The following SLC25A13 variants were observed in gnomAD, a reference collection of about 807,000 sequenced individuals.
SLC25A13 encodes electrogenic aspartate/glutamate antiporter SLC25A13, mitochondrial.
SLC25A13 carries 70 observed loss-of-function variants against 85.5 expected under a neutral mutation model. The observed-to-expected ratio is 0.82, with a 90% confidence interval of 0.68 to 1.00. The LOEUF is 1.00. Ranked by LOEUF, SLC25A13 falls within the 50% of genes least tolerant of loss-of-function variation. The probability of loss-of-function intolerance (pLI) is 0.00; values close to 1 mark genes in which losing one functional copy is unlikely to be tolerated. For synonymous variants in SLC25A13, 259 were observed against 288.7 expected (o/e 0.90, Z 1.04); for missense variants, 765 against 819.8 (o/e 0.93, Z 0.82).
chr7:96,306,927 A>G, intron 1 of SLC25A13: 1 of 967,614 alleles, frequency 1.0e-6, no homozygotes. Flanking sequence ...GCCTGGAGCC[A>G]GTCCCACCAC....
chr7:96,288,294 C>T (rs1245815233), intron 2 of SLC25A13, among the ~76,000 whole-genome samples: 1 of 152,124 alleles, frequency 6.6e-6, no homozygotes, highest in Admixed American at 6.5e-5. Context: ...GTGGATGGTT[C>T]CAAGATGGCC....
At chr7:96,192,498 T>TC in intron 6 of SLC25A13, among the ~76,000 whole-genome samples, 1 of 152,054 alleles carries the variant, frequency 6.6e-6, no homozygotes, top group East Asian at 1.9e-4. Context: ...TTGCAGGACA[T>TC]CCCCAGGGCC....
rs575892618 is a variant in SLC25A13, at chr7:96,289,445, C to T, written c.69+7453G>A. 5.4e-4 allele frequency among the ~76,000 whole-genome samples: 82 copies of T among 152,034 alleles called. 2 individuals carry two copies. In the South Asian group the frequency reaches 0.012, roughly 23 times the overall value. On this transcript the variant is annotated intron_variant, in intron 2 of 17. Transcript: ENST00000265631. ...CGAGTTGAGAGAAGAAGGCTTCAGACGATCAAACTTCTCCGAGCTAAAGGA... is the reference window on the plus strand; with the variant it reads ...CGAGTTGAGAGAAGAAGGCTTCAGATGATCAAACTTCTCCGAGCTAAAGGA...
intron 3 of SLC25A13, among the ~76,000 whole-genome samples, chr7:96,245,153 G>C (rs1332795140): frequency 6.6e-6 from 1 of 152,134 alleles, no homozygotes; most frequent in Admixed American, 6.5e-5. Flanking sequence ...TTTCTTATAA[G>C]ATGGATCAAG....
At chr7:96,169,515 T>C (rs993764042) in intron 13 of SLC25A13, among the ~76,000 whole-genome samples, 12 of 152,114 alleles carry the variant, frequency 7.9e-5, no homozygotes, top group Non-Finnish European at 1.8e-4. Flanking sequence ...TGTTCATCCA[T>C]ATAAGGAAAC....
At chr7:96,318,918 A>G (rs1423392363) in intron 1 of SLC25A13, among the ~76,000 whole-genome samples, 2 of 152,148 alleles carry the variant, frequency 1.3e-5, no homozygotes, top group African/African-American at 4.8e-5. Flanking sequence ...AGGCTCCTCA[A>G]CTTTTAAGAG....
chr7:96,146,485 T>A, intron 14 of SLC25A13, 71 bp downstream of exon 14: 1 of 1,569,642 alleles, frequency 6.4e-7, no homozygotes, highest in Non-Finnish European at 8.7e-7. Context: ...GGATTTCATG[T>A]TGAAGAATAG....
intron 5 of SLC25A13, among the ~76,000 whole-genome samples, chr7:96,208,465 C>A (rs967844003): frequency 1.3e-5 from 2 of 151,766 alleles, no homozygotes; most frequent in Non-Finnish European, 2.9e-5. Flanking sequence ...AGGACTTTTA[C>A]ACACAATTTG....
intron 9 of SLC25A13, among the ~76,000 whole-genome samples, chr7:96,188,607 C>T (rs1794724934): frequency 6.6e-6 from 1 of 152,182 alleles, no homozygotes; most frequent in Admixed American, 6.5e-5. Flanking sequence ...CTAACACATG[C>T]TATGAAGGCT....
chr7:96,144,805 G>T (rs1338758398), intron 14 of SLC25A13, among the ~76,000 whole-genome samples: 1 of 152,132 alleles, frequency 6.6e-6, no homozygotes, highest in South Asian at 2.1e-4. Flanking sequence ...ATCATTTGCA[G>T]GTAGTTTAAC....
Position 96,230,997 on chromosome 7 carries a change from G to A in SLC25A13, c.328+3805C>T, listed in dbSNP as rs1443155746. Among the ~76,000 whole-genome samples, 6 of 152,232 alleles carry A rather than the reference G, an allele frequency of 3.9e-5. No homozygotes were observed. In the East Asian group the frequency reaches 9.7e-4, roughly 25 times the overall value. On this transcript the variant is annotated intron_variant, in intron 4 of 17. Transcript: ENST00000265631. ...ATGGTGGTGCATGCCTATACTCCCAGCTACTTGGGAGGCTGAGGCACAATA... is the reference window on the plus strand; with the variant it reads ...ATGGTGGTGCATGCCTATACTCCCAACTACTTGGGAGGCTGAGGCACAATA...
At chr7:96,199,851 G>T (rs1373121846) in intron 5 of SLC25A13, among the ~76,000 whole-genome samples, 3 of 151,972 alleles carry the variant, frequency 2.0e-5, no homozygotes, top group Non-Finnish European at 4.4e-5. Context: ...TCTAACATTC[G>T]TGCTTCTAAT....
intron 3 of SLC25A13, among the ~76,000 whole-genome samples, chr7:96,252,354 T>C (rs111746110): frequency 7.0e-4 from 107 of 152,202 alleles, no homozygotes; most frequent in African/African-American, 2.5e-3. Flanking sequence ...TCCCTAGAGT[T>C]TGGGGCCTGA....
At chr7:96,298,525 C>G (rs2116998587) in intron 1 of SLC25A13, among the ~76,000 whole-genome samples, 1 of 152,188 alleles carries the variant, frequency 6.6e-6, no homozygotes, top group Middle Eastern at 3.4e-3. Context: ...CCTCAGCCTC[C>G]CAGGTTCAAA....
At chr7:96,141,993 GCAAA>G (rs1792584479) in intron 14 of SLC25A13, among the ~76,000 whole-genome samples, 1 of 152,072 alleles carries the variant, frequency 6.6e-6, no homozygotes, top group South Asian at 2.1e-4. Context: ...TTCATCAACA[GCAAA>G]CAGTTAAACA....
intron 11 of SLC25A13, among the ~76,000 whole-genome samples, chr7:96,174,621 G>A (rs932064186): frequency 6.6e-6 from 1 of 152,170 alleles, no homozygotes; most frequent in Non-Finnish European, 1.5e-5. Context: ...TCATTAAATT[G>A]TAGACCAAAA....
At chr7:96,142,198 T>C (rs1274297890) in intron 14 of SLC25A13, among the ~76,000 whole-genome samples, 1 of 152,232 alleles carries the variant, frequency 6.6e-6, no homozygotes, top group African/African-American at 2.4e-5. Context: ...ATGCTGAGGC[T>C]TGGGCTTCTA....
chr7:96,288,235 A>G (rs1156951999), intron 2 of SLC25A13, among the ~76,000 whole-genome samples: 2 of 152,232 alleles, frequency 1.3e-5, no homozygotes, highest in Non-Finnish European at 2.9e-5. Flanking sequence ...GTTCAAGACC[A>G]GTCTGGCCAG....
rs1796678941 is a variant in SLC25A13, at chr7:96,234,707, T to G, written c.328+95A>C. On this transcript the variant is annotated intron_variant, in intron 4 of 17. Coordinates refer to ENST00000265631, the MANE Select transcript of SLC25A13 (RefSeq NM_014251.3). ...GGATATACTATCTTCTATAAAGAAT[T>G]TCCATACACTTTATTTTGTTCCTAG... The G allele has an allele frequency of 1.9e-5, 17 of 908,006 alleles. No homozygotes were observed. The Admixed American group carries it at 3.5e-4, about 18-fold the overall frequency. The allele number at this position is 908,006 out of a possible 1,614,324, so 56.2% of individuals were successfully genotyped here. A position where few individuals can be genotyped will look rare whatever the true frequency, so the allele number is the denominator to read the frequency against.
Sources: allele counts gnomAD v4.1 joint callset (sites outside exome capture counted in the v4.1 genomes callset), GRCh38; gene constraint gnomAD v4.1.1; transcripts MANE v1.5; gene names NCBI Gene and HGNC (gene_info 2026-07-23, HGNC 2026-07-21).